The following VPS26C variants were observed in gnomAD, a reference collection of about 807,000 sequenced individuals.
VPS26C encodes vacuolar protein sorting-associated protein 26C.
In VPS26C, 19 loss-of-function variants were observed where a neutral mutation model predicts 30.6. That is an observed-to-expected ratio of 0.62 (90% CI 0.43 to 0.91). The LOEUF is 0.91. VPS26C is among the 40% of genes least tolerant of loss of function. VPS26C has a pLI of 0.00. For missense variants in VPS26C, 318 were observed against 385.1 expected (o/e 0.83, Z 1.46); for synonymous variants, 132 against 151.5 (o/e 0.87, Z 0.95).
chr21:37,234,883 C>A (rs2086003576), intron 3 of VPS26C, among the ~76,000 whole-genome samples: 1 of 152,022 alleles, frequency 6.6e-6, no homozygotes. Context: ...CACTCTGTCA[C>A]CCAGGCTGAA....
chr21:37,225,666 C>G (rs745635565), intron 7 of VPS26C, 40 bp from the exon 8 acceptor site: 1 of 1,555,732 alleles, frequency 6.4e-7, no homozygotes, highest in Admixed American at 1.7e-5. Flanking sequence ...CTCACTGTTA[C>G]CAAGCAGCGA....
intron 1 of VPS26C, among the ~76,000 whole-genome samples, chr21:37,258,099 TA>T (rs1429851461): frequency 1.3e-5 from 2 of 152,344 alleles, no homozygotes; most frequent in Admixed American, 6.5e-5. Context: ...ACTACGAGGT[TA>T]ACTGCCGTGA....
In VPS26C at chr21:37,227,747, C is replaced by T. The variant is rs1275002405; in HGVS notation, c.718G>A (p.Gly240Arg). 15 of 1,614,074 alleles carry T rather than the reference C, an allele frequency of 9.3e-6. No individual in the cohort carries two copies. The highest frequency in any genetic ancestry group is 5.5e-5 in the South Asian group (5 of 91,090). Residue 240 changes from glycine (G) to arginine (R), a missense_variant, in exon 7 of 8, where the codon GGG becomes AGG. Coordinates refer to ENST00000309117, the MANE Select transcript of VPS26C (RefSeq NM_006052.2). ...ACAGAGAGGCCCCTGCACACATCCC[C>T]GTCGGCGATCTGAATGTTCTGAATC... Reference protein sequence around the residue: ...TEIQNIQIADGDVCRGLSVPI... With the variant: ...TEIQNIQIADRDVCRGLSVPI...
chr21:37,251,377 T>C (rs1366801275), intron 1 of VPS26C, among the ~76,000 whole-genome samples: 1 of 152,350 alleles, frequency 6.6e-6, no homozygotes, highest in Non-Finnish European at 1.5e-5. Context: ...CATATGGGGA[T>C]GCAGGGCTAG....
At chr21:37,244,813 G>C (rs1256037029) in intron 1 of VPS26C, among the ~76,000 whole-genome samples, 1 of 152,146 alleles carries the variant, frequency 6.6e-6, no homozygotes, top group African/African-American at 2.4e-5. Context: ...GATGAAAAAC[G>C]GAAAGAAGGC....
chr21:37,234,735 A>G (rs1179792697), intron 3 of VPS26C, among the ~76,000 whole-genome samples: 1 of 149,684 alleles, frequency 6.7e-6, no homozygotes, highest in Non-Finnish European at 1.5e-5. Flanking sequence ...GCATGAAATA[A>G]GAAGTTACTA....
intron 1 of VPS26C, among the ~76,000 whole-genome samples, chr21:37,265,650 T>G (rs1007478995): frequency 4.6e-5 from 7 of 152,200 alleles, no homozygotes; most frequent in Non-Finnish European, 8.8e-5. Flanking sequence ...CACTGATATT[T>G]CCGAAGAATC....
chr21:37,235,210 T>C (rs1023388162), intron 3 of VPS26C, among the ~76,000 whole-genome samples: 7 of 152,338 alleles, frequency 4.6e-5, no homozygotes, highest in African/African-American at 1.7e-4. Context: ...TTCACCATGT[T>C]AGTCAGGCTG....
chr21:37,241,317 C>G (rs527796260), intron 1 of VPS26C, among the ~76,000 whole-genome samples: 279 of 152,300 alleles, frequency 1.8e-3, no homozygotes, highest in African/African-American at 6.5e-3. Flanking sequence ...GACTTCACAA[C>G]AGATCATCTG....
intron 5 of VPS26C, 44 bp from the exon 6 acceptor site, chr21:37,228,417 G>A (rs1410067509): frequency 6.2e-7 from 1 of 1,605,408 alleles, no homozygotes; most frequent in Admixed American, 1.7e-5. Context: ...CAGGCAAGGG[G>A]GGAAAGTGCT....
At chr21:37,247,197 T>A (rs575230676) in intron 1 of VPS26C, among the ~76,000 whole-genome samples, 1 of 152,314 alleles carries the variant, frequency 6.6e-6, no homozygotes, top group Admixed American at 6.5e-5. Context: ...ACAGAGCAGA[T>A]AAGAAGTACA....
At chr21:37,254,231 G>C (rs1274185854) in intron 1 of VPS26C, among the ~76,000 whole-genome samples, 1 of 152,218 alleles carries the variant, frequency 6.6e-6, no homozygotes, top group Non-Finnish European at 1.5e-5. Context: ...AATCACGATA[G>C]TGCAGCATTC....
chr21:37,234,866 G>T, intron 3 of VPS26C, among the ~76,000 whole-genome samples: 1 of 151,468 alleles, frequency 6.6e-6, no homozygotes, highest in South Asian at 2.1e-4. Context: ...TTTTTAATAC[G>T]GAGTCTCACT....
chr21:37,245,212 T>C (rs986334787), intron 1 of VPS26C, among the ~76,000 whole-genome samples: 1 of 151,982 alleles, frequency 6.6e-6, no homozygotes, highest in African/African-American at 2.4e-5. Flanking sequence ...GAAATACGAG[T>C]GGCAGATGAA....
rs1000858236 is a variant in VPS26C, at chr21:37,257,709, C to G, written c.57+9529G>C. Reference sequence around the variant, plus strand: ...CCTTGCTCATGGTCAGCCCCAAGCACGGGCGGAAGAAAGGACTGGAGGGGA... The same window carrying G: ...CCTTGCTCATGGTCAGCCCCAAGCAGGGGCGGAAGAAAGGACTGGAGGGGA... On this transcript the variant is annotated intron_variant, in intron 1 of 7. Transcript: ENST00000309117. This position sits in a 1 kb window ranked among gnomAD's most constrained non-coding sequence, Gnocchi z 4.2. Among the ~76,000 whole-genome samples, 3 of 150,814 alleles carry G rather than the reference C, an allele frequency of 2.0e-5. No individual in the cohort carries two copies. Among genetic ancestry groups the G allele is most frequent in the African/African-American group, 7.3e-5 (3 of 41,074 alleles).
intron 3 of VPS26C, among the ~76,000 whole-genome samples, chr21:37,235,167 C>T (rs367959323): frequency 2.8e-4 from 43 of 152,226 alleles, no homozygotes; most frequent in African/African-American, 6.5e-4. Context: ...CCACCATGCC[C>T]GGCTAATTTT....
intron 1 of VPS26C, among the ~76,000 whole-genome samples, chr21:37,254,853 G>A (rs1436819201): frequency 1.3e-5 from 2 of 152,006 alleles, no homozygotes; most frequent in East Asian, 3.9e-4. Flanking sequence ...AGCAAAAAGA[G>A]CACTGTAGGG....
At chr21:37,235,210 TAGTC>T (rs1288596580) in intron 3 of VPS26C, among the ~76,000 whole-genome samples, 1 of 152,220 alleles carries the variant, frequency 6.6e-6, no homozygotes, top group South Asian at 2.1e-4. Context: ...TTCACCATGT[TAGTC>T]AGGCTGGTCT....
At chr21:37,236,725 T>C (rs2086028447) in intron 3 of VPS26C, among the ~76,000 whole-genome samples, 1 of 152,206 alleles carries the variant, frequency 6.6e-6, no homozygotes, top group African/African-American at 2.4e-5. Context: ...AGAAATCTCT[T>C]CATTGTTAGA....
Sources: allele counts gnomAD v4.1 joint callset (sites outside exome capture counted in the v4.1 genomes callset), GRCh38; gene constraint gnomAD v4.1.1; non-coding constraint Gnocchi (gnomAD v3.1); transcripts MANE v1.5; gene names NCBI Gene and HGNC (gene_info 2026-07-23, HGNC 2026-07-21).